The following EXOC4 variants were observed in gnomAD, a reference collection of about 807,000 sequenced individuals.
EXOC4 encodes the protein exocyst complex component 4, also known as SEC8-like 1.
EXOC4 carries 71 observed loss-of-function variants against 107.2 expected under a neutral mutation model. That is an observed-to-expected ratio of 0.66 (90% CI 0.55 to 0.81). The LOEUF (loss-of-function observed/expected upper bound fraction) is 0.81. Among genes scored for constraint, EXOC4 ranks in the 30% least tolerant of loss-of-function variants. The pLI is 0.00. For synonymous variants in EXOC4, 456 were observed against 441.2 expected, an observed-to-expected ratio of 1.03 and a Z score of -0.42; for missense variants, 1,108 against 1,189.6, an observed-to-expected ratio of 0.93 and a Z score of 1.01.
At chr7:134,033,512 C>T (rs1795315411) in intron 17 of EXOC4, among the ~76,000 whole-genome samples, 1 of 152,156 alleles carries the variant, frequency 6.6e-6, no homozygotes, top group Admixed American at 6.5e-5. Flanking sequence ...CCCAGGAACT[C>T]CCTCCCTCTA....
chr7:134,032,069 A>G (rs896546271), intron 17 of EXOC4, among the ~76,000 whole-genome samples: 2 of 152,190 alleles, frequency 1.3e-5, no homozygotes, highest in African/African-American at 4.8e-5. Flanking sequence ...GAAAGCTGAA[A>G]TTAGCAATCA....
intron 1 of EXOC4, among the ~76,000 whole-genome samples, chr7:133,267,825 G>T (rs1426339410): frequency 6.6e-6 from 1 of 152,066 alleles, no homozygotes; most frequent in East Asian, 1.9e-4. Flanking sequence ...CTTAAGGCTG[G>T]GAACTGTCCT....
intron 5 of EXOC4, among the ~76,000 whole-genome samples, chr7:133,346,025 T>C (rs1038367834): frequency 3.9e-5 from 6 of 152,220 alleles, no homozygotes; most frequent in East Asian, 3.8e-4. Context: ...GCCTCAGATA[T>C]TGCTCTCAAC....
chr7:133,452,710 A>G (rs1271664591), intron 7 of EXOC4, among the ~76,000 whole-genome samples: 1 of 151,770 alleles, frequency 6.6e-6, no homozygotes, highest in Non-Finnish European at 1.5e-5. Context: ...CAGCCTGACA[A>G]ATGTACCCTG....
chr7:133,486,129 A>G (rs1799266169), intron 9 of EXOC4, among the ~76,000 whole-genome samples: 1 of 152,176 alleles, frequency 6.6e-6, no homozygotes, highest in Admixed American at 6.5e-5. Flanking sequence ...GATTTGCATT[A>G]CATAGTAAAT....
intron 3 of EXOC4, among the ~76,000 whole-genome samples, chr7:133,293,447 C>T (rs893430893): frequency 1.3e-5 from 2 of 152,176 alleles, no homozygotes; most frequent in African/African-American, 4.8e-5. Context: ...CAATCTAGTC[C>T]TTCAAAACCC....
intron 2 of EXOC4, 121 bp from the exon 3 acceptor site, chr7:133,288,801 A>T: frequency 1.4e-6 from 1 of 738,380 alleles, no homozygotes; most frequent in South Asian, 2.2e-5. Context: ...AAGGAGAATA[A>T]GTGGCAGTGG....
At position 133,389,979 on chromosome 7, in the gene EXOC4, A is replaced by G. The variant is rs146516381; in HGVS notation, c.1182+14977A>G. ...CATGAGACTTATCACTATCATGAGA[A>G]CAGCACAGGAAAGACCTGCTCCTAT... On this transcript the variant is annotated intron_variant, in intron 7 of 17. Coordinates refer to ENST00000253861, the MANE Select transcript of EXOC4 (RefSeq NM_021807.4). Among the ~76,000 whole-genome samples, 546 of 152,228 alleles carry G rather than the reference A, an allele frequency of 3.6e-3. 4 individuals carry two copies. The highest frequency in any genetic ancestry group is 0.012 in the African/African-American group (510 of 41,538).
chr7:133,282,617 C>G (rs1448857007), intron 2 of EXOC4, among the ~76,000 whole-genome samples: 3 of 151,662 alleles, frequency 2.0e-5, no homozygotes, highest in African/African-American at 4.8e-5. Flanking sequence ...TAGCCCTGTT[C>G]CTATTAAAAA....
intron 5 of EXOC4, among the ~76,000 whole-genome samples, chr7:133,321,452 G>A (rs889447894): frequency 7.9e-5 from 12 of 152,110 alleles, no homozygotes; most frequent in African/African-American, 2.9e-4. Context: ...CCAGGTGTGT[G>A]ATGTTCCTCT....
At chr7:133,434,052 G>A (rs531210539) in intron 7 of EXOC4, among the ~76,000 whole-genome samples, 4 of 152,294 alleles carry the variant, frequency 2.6e-5, no homozygotes, top group South Asian at 2.1e-4. Context: ...AACATGTAAA[G>A]GAATCTGGAG....
At chr7:133,811,533 T>C (rs992831981) in intron 10 of EXOC4, among the ~76,000 whole-genome samples, 2 of 152,252 alleles carry the variant, frequency 1.3e-5, no homozygotes, top group African/African-American at 4.8e-5. Context: ...CTGCTTGCAA[T>C]ATTTTAATTT....
At chr7:133,322,394 A>G (rs1401664429) in intron 5 of EXOC4, among the ~76,000 whole-genome samples, 1 of 152,170 alleles carries the variant, frequency 6.6e-6, no homozygotes, top group Non-Finnish European at 1.5e-5. Context: ...TAATTTTTAT[A>G]TAAGGTGTAA....
chr7:133,310,573 G>A (rs1010846358), intron 4 of EXOC4, among the ~76,000 whole-genome samples: 1 of 152,224 alleles, frequency 6.6e-6, no homozygotes, highest in Non-Finnish European at 1.5e-5. Context: ...TCTATGGGAA[G>A]TCTGTATAAT....
chr7:133,520,009 A>G (rs1799950815), intron 9 of EXOC4, among the ~76,000 whole-genome samples: 1 of 152,072 alleles, frequency 6.6e-6, no homozygotes, highest in Admixed American at 6.5e-5. Flanking sequence ...CAAAAAAATT[A>G]GAAGGTAAAA....
At chr7:133,831,482 C>T (rs1018098853) in intron 11 of EXOC4, among the ~76,000 whole-genome samples, 5 of 151,688 alleles carry the variant, frequency 3.3e-5, no homozygotes, top group Non-Finnish European at 5.9e-5. Flanking sequence ...CTTTATTTTG[C>T]TGCTGAAATC....
At chr7:133,771,364 T>C (rs1399414026) in intron 10 of EXOC4, 1 of 151,998 alleles carries the variant, frequency 6.6e-6, no homozygotes, top group Admixed American at 6.6e-5. Flanking sequence ...AAAAAATGAA[T>C]TGAAGGACAT....
At chr7:133,875,826 A>T (rs961077738) in intron 11 of EXOC4, among the ~76,000 whole-genome samples, 1 of 152,164 alleles carries the variant, frequency 6.6e-6, no homozygotes, top group African/African-American at 2.4e-5. Context: ...GTCTTCATTC[A>T]TGTCTACCAT....
At chr7:134,081,213 C>T in the EXOC4 span, among the ~76,000 whole-genome samples, 1 of 152,098 alleles carries the variant, frequency 6.6e-6, no homozygotes, top group Non-Finnish European at 1.5e-5. Context: ...TTTATTGGCA[C>T]ATGCCTGTAA....
Sources: allele counts gnomAD v4.1 joint callset (sites outside exome capture counted in the v4.1 genomes callset), GRCh38; gene constraint gnomAD v4.1.1; transcripts MANE v1.5; gene names NCBI Gene and HGNC (gene_info 2026-07-23, HGNC 2026-07-21).